Variants in EFNA5 observed in about 807,000 individuals in gnomAD.
EFNA5 encodes ephrin-A5.
EFNA5 carries 5 observed loss-of-function variants against 22.9 expected under a neutral mutation model. The ratio of observed to expected loss-of-function variants is 0.22; its 90% CI spans 0.11 to 0.46. The LOEUF (loss-of-function observed/expected upper bound fraction) is 0.46. EFNA5 is among the 20% of genes least tolerant of loss of function. The pLI, the probability that EFNA5 is intolerant of heterozygous loss-of-function variation, is 0.99. For missense variants in EFNA5, 237 were observed against 293.3 expected (o/e 0.81, Z 1.40); for synonymous variants, 113 against 112.2 (o/e 1.01, Z -0.04).
chr5:107,468,294 C>A (rs1268825212), intron 1 of EFNA5, among the ~76,000 whole-genome samples: 2 of 152,170 alleles, frequency 1.3e-5, no homozygotes, highest in Non-Finnish European at 2.9e-5. Flanking sequence ...CACATATTTT[C>A]TTGGAAATAG....
intron 2 of EFNA5, among the ~76,000 whole-genome samples, chr5:107,417,131 T>C (rs1442105637): frequency 1.3e-5 from 2 of 152,200 alleles, no homozygotes; most frequent in African/African-American, 4.8e-5. Flanking sequence ...TTATTTGTTT[T>C]TATGGGTTTA....
At position 107,651,780 on chromosome 5, in the gene EFNA5, AT is replaced by A. The variant is rs1193122209; in HGVS notation, c.125+18708del. On this transcript the variant is annotated intron_variant, in intron 1 of 4. Coordinates refer to ENST00000333274, the MANE Select transcript of EFNA5 (RefSeq NM_001962.3). ...ATCTGGAAATATTAAAATTACTCTG[AT>A]TTTTATCATCTCACCACTTAACCAC... 2.0e-5 allele frequency among the ~76,000 whole-genome samples: 3 copies of A among 152,096 alleles called. No homozygotes were observed. In the East Asian group the frequency reaches 5.8e-4, roughly 29 times the overall value.
At chr5:107,477,688 C>A (rs544377995) in intron 1 of EFNA5, among the ~76,000 whole-genome samples, 34 of 152,216 alleles carry the variant, frequency 2.2e-4, no homozygotes, top group Middle Eastern at 3.4e-3. Flanking sequence ...CTATTGTGTT[C>A]TCTTGACTAA....
chr5:107,535,691 G>C (rs1292068484), intron 1 of EFNA5, among the ~76,000 whole-genome samples: 1 of 151,934 alleles, frequency 6.6e-6, no homozygotes, highest in Non-Finnish European at 1.5e-5. Context: ...AAAAGTCAAA[G>C]GCAAATAATG....
At chr5:107,480,321 T>C (rs1260037379) in intron 1 of EFNA5, among the ~76,000 whole-genome samples, 3 of 152,380 alleles carry the variant, frequency 2.0e-5, no homozygotes, top group Admixed American at 6.5e-5. Context: ...TAAAATTAAA[T>C]TCAACTGTAT....
intron 1 of EFNA5, among the ~76,000 whole-genome samples, chr5:107,588,873 A>G (rs1749250496): frequency 6.6e-6 from 1 of 152,228 alleles, no homozygotes. Flanking sequence ...AATTACGTCT[A>G]GTAATTTAGC....
intron 1 of EFNA5, among the ~76,000 whole-genome samples, chr5:107,579,585 G>A (rs761906723): frequency 1.3e-5 from 2 of 151,104 alleles, no homozygotes; most frequent in Non-Finnish European, 1.5e-5. Context: ...TTCCATACCA[G>A]AATAATAATA....
chr5:107,563,262 G>C (rs565521340), intron 1 of EFNA5, among the ~76,000 whole-genome samples: 1 of 152,032 alleles, frequency 6.6e-6, no homozygotes, highest in East Asian at 1.9e-4. Context: ...GGCTATCTTC[G>C]GTTACATCTG....
intron 1 of EFNA5, among the ~76,000 whole-genome samples, chr5:107,480,906 CAA>C (rs77192020): frequency 0.5 from 76,300 of 151,796 alleles, 19,465 homozygotes; most frequent in South Asian, 0.55. Context: ...CAGGTCTGAA[CAA>C]AGAGACAGCT....
chr5:107,571,380 T>C (rs867005185), intron 1 of EFNA5, among the ~76,000 whole-genome samples: 1 of 152,128 alleles, frequency 6.6e-6, no homozygotes, highest in Non-Finnish European at 1.5e-5. Flanking sequence ...CTGTGAACTT[T>C]TCCTGTGCAG....
At chr5:107,469,284 A>G (rs1750073990) in intron 1 of EFNA5, among the ~76,000 whole-genome samples, 1 of 152,194 alleles carries the variant, frequency 6.6e-6, no homozygotes, top group Non-Finnish European at 1.5e-5. Flanking sequence ...CCAGTGGTAC[A>G]GACTTGCCCA....
At chr5:107,603,325 G>A (rs983685743) in intron 1 of EFNA5, among the ~76,000 whole-genome samples, 3 of 152,144 alleles carry the variant, frequency 2.0e-5, no homozygotes, top group African/African-American at 4.8e-5. Flanking sequence ...AGAATTGACT[G>A]TAGTTTCTCA....
intron 1 of EFNA5, among the ~76,000 whole-genome samples, chr5:107,646,091 T>C (rs1366153217): frequency 1.3e-5 from 2 of 152,130 alleles, no homozygotes; most frequent in African/African-American, 2.4e-5. Flanking sequence ...TGTGAAATGA[T>C]AGGTGAGCAG....
chr5:107,607,843 T>G (rs945633296), intron 1 of EFNA5, among the ~76,000 whole-genome samples: 1 of 152,132 alleles, frequency 6.6e-6, no homozygotes, highest in African/African-American at 2.4e-5. Context: ...TAAAAAGACC[T>G]GGACCAGACA....
intron 1 of EFNA5, among the ~76,000 whole-genome samples, chr5:107,571,654 G>C (rs1231236524): frequency 6.6e-6 from 1 of 151,924 alleles, no homozygotes; most frequent in Non-Finnish European, 1.5e-5. Context: ...GAAGGCTAAA[G>C]AATGAGCAAT....
chr5:107,561,168 G>T lies in EFNA5; in HGVS notation c.125+109321C>A, dbSNP rs540511707. On this transcript the variant is annotated intron_variant, in intron 1 of 4. Transcript: ENST00000333274. ...GACAATTTCAGTGCACAAGACAACT[G>T]AAACCTGCCTTTCCTGCTGAAATGC... Among the ~76,000 whole-genome samples the T allele has an allele frequency of 7.2e-5, 11 of 152,242 alleles. No homozygotes were observed. In the South Asian group the frequency reaches 2.1e-3, roughly 29 times the overall value.
At chr5:107,469,222 C>G (rs1750071139) in intron 1 of EFNA5, among the ~76,000 whole-genome samples, 1 of 152,110 alleles carries the variant, frequency 6.6e-6, no homozygotes, top group South Asian at 2.1e-4. Context: ...GAAGCTGTTC[C>G]CTGCGCTCCT....
intron 1 of EFNA5, among the ~76,000 whole-genome samples, chr5:107,632,033 C>T (rs552866103): frequency 6.6e-6 from 1 of 152,302 alleles, no homozygotes; most frequent in East Asian, 1.9e-4. Flanking sequence ...CACCAGTTGC[C>T]CAGCACATGG....
intron 1 of EFNA5, among the ~76,000 whole-genome samples, chr5:107,638,280 T>A (rs188427813): frequency 6.6e-6 from 1 of 152,118 alleles, no homozygotes; most frequent in Admixed American, 6.5e-5. Flanking sequence ...ATCTCACTTA[T>A]ATGCAGAGGC....
Sources: gnomAD v4.1 joint callset for allele counts (sites outside exome capture counted in the v4.1 genomes callset) on GRCh38, gnomAD v4.1.1 for gene constraint, MANE v1.5 for transcripts, NCBI Gene and HGNC (gene_info 2026-07-23, HGNC 2026-07-21) for gene names.